Variants in TMEM9B observed in about 807,000 individuals in gnomAD.
The protein encoded by TMEM9B is TMEM9 domain family member B.
Under a neutral mutation model 23.5 loss-of-function variants are expected in TMEM9B, and 8 were observed. That is an observed-to-expected ratio of 0.34 (90% CI 0.20 to 0.61). The LOEUF (loss-of-function observed/expected upper bound fraction) is 0.61. Ranked by LOEUF, TMEM9B falls within the 20% of genes least tolerant of loss-of-function variation. The pLI, the probability that TMEM9B is intolerant of heterozygous loss-of-function variation, is 0.78. For synonymous variants in TMEM9B, 106 were observed against 96.3 expected, an observed-to-expected ratio of 1.10 and a Z score of -0.59; for missense variants, 197 against 252.3, an observed-to-expected ratio of 0.78 and a Z score of 1.49.
intron 4 of TMEM9B, 21 bp downstream of exon 4, chr11:8,953,182 T>A: frequency 6.2e-7 from 1 of 1,614,158 alleles, no homozygotes; most frequent in African/African-American, 1.3e-5. Context: ...CATGAGCAGC[T>A]AGGGCAGGCT....
intron 4 of TMEM9B, among the ~76,000 whole-genome samples, chr11:8,949,889 A>T (rs1468374353): frequency 7.3e-6 from 1 of 137,398 alleles, no homozygotes; most frequent in Non-Finnish European, 1.6e-5. Flanking sequence ...CATGAACTTA[A>T]TTTTTTTTTT....
Position 8,964,350 on chromosome 11 carries a change from C to G in TMEM9B, c.-37G>C. On this transcript the variant is annotated 5_prime_UTR_variant, in exon 1 of 5. Coordinates refer to ENST00000534025, the MANE Select transcript of TMEM9B (RefSeq NM_020644.3). Reference sequence around the variant, plus strand: ...CAGCGGTCCCACAGCCCGGAGCCCCCGCGACCGGCTCCCGGCTCGGGCTCA... The same window carrying G: ...CAGCGGTCCCACAGCCCGGAGCCCCGGCGACCGGCTCCCGGCTCGGGCTCA... The G allele has an allele frequency of 1.3e-6, 2 of 1,540,986 alleles. No individual in the cohort carries two copies. Among genetic ancestry groups the G allele is most frequent in the Non-Finnish European group, 1.7e-6 (2 of 1,144,108 alleles).
chr11:8,959,651 C>T (rs1252519105), intron 2 of TMEM9B, among the ~76,000 whole-genome samples: 1 of 152,028 alleles, frequency 6.6e-6, no homozygotes, highest in Non-Finnish European at 1.5e-5. Flanking sequence ...AAAGTTGTGC[C>T]CAGCTGGAGA....
chr11:8,964,419 G>T lies in TMEM9B; in HGVS notation c.-106C>A. ...GGCACAGGCTTGGGACCCGGCTGGG[G>T]ATCCTCCGCCCGCACTTCCGTCTGG... On this transcript the variant is annotated 5_prime_UTR_variant, in exon 1 of 5. Transcript: ENST00000534025. The T allele has an allele frequency of 2.8e-6, 4 of 1,444,132 alleles. No individual in the cohort carries two copies. Among genetic ancestry groups the T allele is most frequent in the South Asian group, 1.5e-5 (1 of 68,860 alleles). The allele number at this position is 1,444,132 out of a possible 1,614,324, so 89.5% of individuals were successfully genotyped here. A position where few individuals can be genotyped will look rare whatever the true frequency, so the allele number is the denominator to read the frequency against.
chr11:8,954,958 C>T (rs753455027), intron 3 of TMEM9B, among the ~76,000 whole-genome samples: 30 of 152,032 alleles, frequency 2.0e-4, no homozygotes, highest in Non-Finnish European at 3.7e-4. Context: ...CGAGACCAGC[C>T]TGACCAACAT....
At chr11:8,958,860 C>T (rs907387358) in intron 2 of TMEM9B, among the ~76,000 whole-genome samples, 1 of 152,082 alleles carries the variant, frequency 6.6e-6, no homozygotes, top group African/African-American at 2.4e-5. Context: ...CATGAGTCAC[C>T]GCACCCGGCC....
chr11:8,960,593 T>C (rs963998414), intron 2 of TMEM9B, among the ~76,000 whole-genome samples: 3 of 152,214 alleles, frequency 2.0e-5, no homozygotes, highest in African/African-American at 7.2e-5. Context: ...AAGACAGGCA[T>C]TGCATTTCAT....
intron 3 of TMEM9B, among the ~76,000 whole-genome samples, chr11:8,955,670 T>C (rs1853961935): frequency 6.6e-6 from 1 of 150,694 alleles, no homozygotes; most frequent in South Asian, 2.1e-4. Context: ...GTAATGCGAA[T>C]GATGGGGAGC....
At chr11:8,958,755 G>C (rs1258674934) in intron 2 of TMEM9B, among the ~76,000 whole-genome samples, 1 of 151,870 alleles carries the variant, frequency 6.6e-6, no homozygotes, top group Non-Finnish European at 1.5e-5. Context: ...ATTTTTAGTA[G>C]AGATGGGGTT....
intron 2 of TMEM9B, among the ~76,000 whole-genome samples, chr11:8,958,673 G>C (rs1399024033): frequency 6.7e-6 from 1 of 150,140 alleles, no homozygotes; most frequent in African/African-American, 2.5e-5. Flanking sequence ...CAGGGTTCAA[G>C]TGATTCTCCT....
At position 8,964,206 on chromosome 11, in the gene TMEM9B, C is replaced by A; in HGVS notation, c.105+3G>T. ...GTCAGGAGCGAGGCTGGGCGGGACT[C>A]ACCTTGGCGGCGTCTGACAGCTGCG... On this transcript the variant is annotated splice_donor_region_variant and intron_variant, in intron 1 of 4. Coordinates refer to ENST00000534025, the MANE Select transcript of TMEM9B (RefSeq NM_020644.3). 1 of 1,571,266 alleles carries A rather than the reference C, an allele frequency of 6.4e-7. No individual in the cohort carries two copies. The highest frequency in any genetic ancestry group is 2.4e-5 in the East Asian group (1 of 42,520).
chr11:8,964,256 G>A lies in TMEM9B; in HGVS notation c.58C>T (p.Leu20=). The part of the protein sequence containing the change: ...RLGSLLSLSC[L]ALSVLLLAQL... ...GCCAGCAGCAGCACGGAAAGCGCCA[G>A]GCACGACAGGCTGAGCAAGGAGCCA... The change falls in exon 1 of 5, where the codon CTG becomes TTG. Residue 20 remains leucine, a synonymous_variant. Coordinates refer to ENST00000534025, the MANE Select transcript of TMEM9B (RefSeq NM_020644.3). 6.3e-7 allele frequency: 1 copy of A among 1,597,218 alleles called. No individual in the cohort carries two copies. Among genetic ancestry groups the A allele is most frequent in the Non-Finnish European group, 8.5e-7 (1 of 1,172,780 alleles).
In TMEM9B at chr11:8,957,109, C is replaced by G. The variant is rs1194394411; in HGVS notation, c.198-811G>C. 6.6e-6 allele frequency among the ~76,000 whole-genome samples: 1 copy of G among 152,198 alleles called. No homozygotes were observed. Among genetic ancestry groups the G allele is most frequent in the Non-Finnish European group, 1.5e-5 (1 of 68,026 alleles). ...TCTGAAACTCTGAAAATTGAACCCT[C>G]AAAGCCACACACAGGAAGAAACAAT... On this transcript the variant is annotated intron_variant, in intron 2 of 4. Transcript: ENST00000534025. This position sits in a 1 kb window ranked among gnomAD's most constrained non-coding sequence, Gnocchi z 4.3.
intron 2 of TMEM9B, among the ~76,000 whole-genome samples, chr11:8,958,667 G>A (rs1854018480): frequency 6.7e-6 from 1 of 150,158 alleles, no homozygotes; most frequent in Non-Finnish European, 1.5e-5. Context: ...TTCCTCCAGG[G>A]TTCAAGTGAT....
In TMEM9B at chr11:8,964,281, A is replaced by C; in HGVS notation, c.33T>G (p.Leu11=). 1 of 1,593,356 alleles carries C rather than the reference A, an allele frequency of 6.3e-7. No individual in the cohort carries two copies. The highest frequency in any genetic ancestry group is 8.5e-7 in the Non-Finnish European group (1 of 1,170,722). Residue 11 remains leucine, a synonymous_variant, in exon 1 of 5, where the codon CTT becomes CTG. Transcript: ENST00000534025. MATLWGGLLR[L]GSLLSLSCLA... ...GGCACGACAGGCTGAGCAAGGAGCCAAGCCGAAGAAGGCCTCCCCACAGGG... is the reference window on the plus strand; with the variant it reads ...GGCACGACAGGCTGAGCAAGGAGCCCAGCCGAAGAAGGCCTCCCCACAGGG...
chr11:8,956,038 C>A, intron 3 of TMEM9B, 152 bp downstream of exon 3: 1 of 595,736 alleles, frequency 1.7e-6, no homozygotes, highest in Non-Finnish European at 2.9e-6. Context: ...CCTAACTAAT[C>A]CACAAACCAT....
intron 4 of TMEM9B, among the ~76,000 whole-genome samples, chr11:8,951,238 G>T (rs1853869438): frequency 6.6e-6 from 1 of 152,138 alleles, no homozygotes; most frequent in African/African-American, 2.4e-5. Flanking sequence ...GTAAAGGAAG[G>T]ATGTCGTTTA....
In TMEM9B at chr11:8,953,114, C is replaced by G. The variant is rs750705561; in HGVS notation, c.441+89G>C. On this transcript the variant is annotated intron_variant, in intron 4 of 4. Transcript: ENST00000534025. ...TTGAGGATCTGCTTCAGCACGTGAA[C>G]ATCTATATATGACTATTTTTCACTT... The G allele has an allele frequency of 1.1e-5, 16 of 1,515,804 alleles. No homozygotes were observed. The African/African-American group carries it at 2.1e-4, about 20-fold the overall frequency. 93.9% of individuals were successfully genotyped at this position (1,515,804 alleles called of 1,614,324 possible).
At chr11:8,951,876 C>T (rs531726985) in intron 4 of TMEM9B, among the ~76,000 whole-genome samples, 8 of 152,074 alleles carry the variant, frequency 5.3e-5, no homozygotes, top group Admixed American at 3.9e-4. Context: ...GAGGCCGAGG[C>T]GAGCTGATCA....
Sources: allele counts gnomAD v4.1 joint callset (sites outside exome capture counted in the v4.1 genomes callset), GRCh38; gene constraint gnomAD v4.1.1; non-coding constraint Gnocchi (gnomAD v3.1); transcripts MANE v1.5; gene names NCBI Gene and HGNC (gene_info 2026-07-23, HGNC 2026-07-21).